TTC39C: variants seen among roughly 807,000 people sequenced by gnomAD.
TTC39C encodes the protein tetratricopeptide repeat protein 39C.
TTC39C carries 33 observed loss-of-function variants against 76.3 expected under a neutral mutation model. The observed-to-expected ratio is 0.43, with a 90% CI of 0.33 to 0.58. TTC39C has a LOEUF of 0.58. Among genes scored for constraint, TTC39C ranks in the 20% least tolerant of loss-of-function variants. TTC39C has a pLI of 0.04. For synonymous variants in TTC39C, 254 were observed against 260.6 expected (o/e 0.97, Z 0.24); for missense variants, 595 against 701.4 (o/e 0.85, Z 1.71).
intron 6 of TTC39C, among the ~76,000 whole-genome samples, chr18:24,085,625 A>G (rs554381386): frequency 9.8e-5 from 15 of 152,350 alleles, no homozygotes; most frequent in African/African-American, 3.6e-4. Context: ...TTGGAGGTAC[A>G]TAGTCCACAT....
At chr18:23,993,912 C>G (rs1950061856) in intron 1 of TTC39C, among the ~76,000 whole-genome samples, 1 of 152,054 alleles carries the variant, frequency 6.6e-6, no homozygotes, top group Non-Finnish European at 1.5e-5. Flanking sequence ...TTTGCACCAC[C>G]CTAATGGTTC....
chr18:24,063,180 CA>C (rs1312113321), intron 1 of TTC39C, among the ~76,000 whole-genome samples: 2 of 152,104 alleles, frequency 1.3e-5, no homozygotes, highest in Non-Finnish European at 2.9e-5. Context: ...GATTTTGAAG[CA>C]GAACATTTAT....
At chr18:24,076,747 C>T (rs181752020) in intron 4 of TTC39C, 1 of 152,252 alleles carries the variant, frequency 6.6e-6, no homozygotes, top group African/African-American at 2.4e-5. Context: ...ACGTTGGGTT[C>T]TGTTTCCTTG....
At chr18:24,044,279 T>A (rs2083836161) in intron 1 of TTC39C, among the ~76,000 whole-genome samples, 1 of 151,986 alleles carries the variant, frequency 6.6e-6, no homozygotes, top group Non-Finnish European at 1.5e-5. Context: ...AGATCAGTGA[T>A]GTGGGGTGGT....
At chr18:24,127,778 A>AT (rs1406754528) in intron 10 of TTC39C, among the ~76,000 whole-genome samples, 1 of 152,170 alleles carries the variant, frequency 6.6e-6, no homozygotes, top group Non-Finnish European at 1.5e-5. Flanking sequence ...GGTCTTCCAA[A>AT]GTGGGGGGAT....
intron 1 of TTC39C, among the ~76,000 whole-genome samples, chr18:24,039,941 G>A (rs2083771968): frequency 6.6e-6 from 1 of 152,154 alleles, no homozygotes; most frequent in South Asian, 2.1e-4. Flanking sequence ...AATACAGGAA[G>A]AGGAACAAAT....
intron 1 of TTC39C, among the ~76,000 whole-genome samples, chr18:24,057,113 ATCTT>A (rs1358007895): frequency 8.0e-6 from 1 of 125,406 alleles, no homozygotes; most frequent in East Asian, 2.4e-4. Flanking sequence ...TGCTTTATCT[ATCTT>A]CTGTTCCCTT....
chr18:24,050,208 C>A (rs942852409), intron 1 of TTC39C, among the ~76,000 whole-genome samples: 3 of 152,192 alleles, frequency 2.0e-5, no homozygotes, highest in Non-Finnish European at 4.4e-5. Context: ...CTGCTTAAAA[C>A]TCCTAGGTTC....
At chr18:24,005,109 A>G (rs16940429) in intron 1 of TTC39C, among the ~76,000 whole-genome samples, 56,638 of 152,090 alleles carry the variant, frequency 0.37, 12,103 homozygotes, top group East Asian at 0.73. Context: ...AAGGTACTAG[A>G]TTTTAAGTTA....
At chr18:24,120,043 C>T (rs2084945640) in intron 8 of TTC39C, among the ~76,000 whole-genome samples, 1 of 150,716 alleles carries the variant, frequency 6.6e-6, no homozygotes. Flanking sequence ...GATCTCTGTT[C>T]CTGCATTGGG....
intron 6 of TTC39C, among the ~76,000 whole-genome samples, chr18:24,097,211 C>T (rs999778269): frequency 1.3e-5 from 2 of 152,198 alleles, no homozygotes; most frequent in Non-Finnish European, 2.9e-5. Context: ...CATTCTTTGT[C>T]CCCACGCCCA....
chr18:24,055,979 A>C (rs1001472029), intron 1 of TTC39C, among the ~76,000 whole-genome samples: 2 of 152,110 alleles, frequency 1.3e-5, no homozygotes, highest in Non-Finnish European at 1.5e-5. Flanking sequence ...TCTCCTTAAA[A>C]CCCATTTTTG....
At chr18:24,105,537 C>CT (rs1428174025) in intron 6 of TTC39C, among the ~76,000 whole-genome samples, 3 of 152,228 alleles carry the variant, frequency 2.0e-5, no homozygotes, top group African/African-American at 7.2e-5. Context: ...CACACACACA[C>CT]TTGCAGGCAG....
At chr18:24,038,439 T>A (rs77580202) in intron 1 of TTC39C, among the ~76,000 whole-genome samples, 1 of 152,034 alleles carries the variant, frequency 6.6e-6, no homozygotes, top group Non-Finnish European at 1.5e-5. Flanking sequence ...TGCACCACCA[T>A]GCCCGGCTAA....
chr18:24,008,260 G>C (rs1260239847), intron 1 of TTC39C, among the ~76,000 whole-genome samples: 1 of 152,142 alleles, frequency 6.6e-6, no homozygotes, highest in Non-Finnish European at 1.5e-5. Flanking sequence ...TTAAGATTTG[G>C]AAACAAATCC....
intron 6 of TTC39C, among the ~76,000 whole-genome samples, chr18:24,105,946 C>A (rs2084740768): frequency 6.6e-6 from 1 of 152,174 alleles, no homozygotes; most frequent in Non-Finnish European, 1.5e-5. Context: ...CAAGCTTTGC[C>A]ATGTCTTGGC....
At chr18:24,035,464 T>C (rs1260342530) in intron 1 of TTC39C, among the ~76,000 whole-genome samples, 1 of 152,258 alleles carries the variant, frequency 6.6e-6, no homozygotes, top group Non-Finnish European at 1.5e-5. Flanking sequence ...TCTTGATTTG[T>C]TCTGGATAAT....
At chr18:24,036,311 G>A (rs1322049052) in intron 1 of TTC39C, among the ~76,000 whole-genome samples, 1 of 152,198 alleles carries the variant, frequency 6.6e-6, no homozygotes, top group African/African-American at 2.4e-5. Flanking sequence ...GAGGTAACTT[G>A]AGTAGTATTA....
Position 24,023,981 on chromosome 18 carries a change from CATATATATA to C in TTC39C, c.167+8944_167+8952del, listed in dbSNP as rs2083558513. ...ATATATATATATATATATATATATA[CATATATATA>C]TATATATATATATATATATATATAT... On this transcript the variant is annotated intron_variant, in intron 1 of 13. Transcript: ENST00000317571. Among the ~76,000 whole-genome samples the C allele has an allele frequency of 2.9e-3, 52 of 17,850 alleles. 6 individuals carry two copies. The highest frequency in any genetic ancestry group is 0.015 in the East Asian group (6 of 396). 11.7% of individuals were successfully genotyped at this position (17,850 alleles called of 152,430 possible). A position where few individuals can be genotyped will look rare whatever the true frequency, so the allele number is the denominator to read the frequency against.
Sources: gnomAD v4.1 joint callset for allele counts (sites outside exome capture counted in the v4.1 genomes callset) on GRCh38, gnomAD v4.1.1 for gene constraint, MANE v1.5 for transcripts, NCBI Gene and HGNC (gene_info 2026-07-23, HGNC 2026-07-21) for gene names.